The following PACRG variants were observed in gnomAD, a reference collection of about 807,000 sequenced individuals.
The protein encoded by PACRG is parkin coregulated, also known as parkin coregulated gene protein.
A neutral mutation model predicts 29.7 loss-of-function variants in PACRG; 29 were observed. The ratio of observed to expected loss-of-function variants is 0.98; its 90% CI spans 0.73 to 1.33. The LOEUF (loss-of-function observed/expected upper bound fraction) is 1.33. Among genes scored for constraint, PACRG ranks in the 40% most tolerant of loss-of-function variants. PACRG has a pLI of 0.00. For synonymous variants in PACRG, 116 were observed against 118.7 expected, an observed-to-expected ratio of 0.98 and a Z score of 0.15; for missense variants, 279 against 316.2, an observed-to-expected ratio of 0.88 and a Z score of 0.89.
At chr6:163,247,088 T>C (rs1437005700) in intron 4 of PACRG, among the ~76,000 whole-genome samples, 1 of 152,212 alleles carries the variant, frequency 6.6e-6, no homozygotes, top group Non-Finnish European at 1.5e-5. Flanking sequence ...GCTGAGTTCA[T>C]ACGCTCCAAG....
At chr6:163,155,365 A>C (rs1347923276) in intron 4 of PACRG, among the ~76,000 whole-genome samples, 1 of 152,178 alleles carries the variant, frequency 6.6e-6, no homozygotes, top group Non-Finnish European at 1.5e-5. Flanking sequence ...TTCCAGAGGG[A>C]GATAGCATTT....
chr6:162,815,453 T>C (rs1055394711), intron 2 of PACRG, among the ~76,000 whole-genome samples: 2 of 150,548 alleles, frequency 1.3e-5, no homozygotes, highest in Non-Finnish European at 2.9e-5. Context: ...ACATTTCTAA[T>C]TCTTGAGCAG....
chr6:163,189,256 A>C (rs1465384506), intron 4 of PACRG, among the ~76,000 whole-genome samples: 7 of 152,262 alleles, frequency 4.6e-5, no homozygotes, highest in African/African-American at 1.7e-4. Context: ...ATTTGCTGAC[A>C]AATGCATAAC....
intron 4 of PACRG, among the ~76,000 whole-genome samples, chr6:163,146,977 C>T (rs1261755075): frequency 6.6e-6 from 1 of 152,204 alleles, no homozygotes; most frequent in Non-Finnish European, 1.5e-5. Context: ...TTCTACATTG[C>T]TCATCCCTTT....
chr6:163,198,554 C>T (rs1362183555), intron 4 of PACRG, among the ~76,000 whole-genome samples: 5 of 152,142 alleles, frequency 3.3e-5, no homozygotes, highest in Non-Finnish European at 5.9e-5. Flanking sequence ...ACAGTGAGAA[C>T]GGGTGGATCG....
rs148991112 is a variant in PACRG at position 162,780,100 on chromosome 6, G to A, written c.157-34047G>A. Among the ~76,000 whole-genome samples, 17 of 152,328 alleles carry A rather than the reference G, an allele frequency of 1.1e-4. 1 individual carries two copies. In the East Asian group the frequency reaches 2.3e-3, roughly 21 times the overall value. ...AGAGGGTCCCCCTCAGTGCATGTGTGTGAGGAAACTAACAGAGGCAGGGGA... is the reference window on the plus strand; with the variant it reads ...AGAGGGTCCCCCTCAGTGCATGTGTATGAGGAAACTAACAGAGGCAGGGGA... On this transcript the variant is annotated intron_variant, in intron 1 of 4. Transcript: ENST00000366888.
intron 4 of PACRG, among the ~76,000 whole-genome samples, chr6:163,233,458 C>G (rs1028243312): frequency 6.6e-6 from 1 of 152,208 alleles, no homozygotes; most frequent in African/African-American, 2.4e-5. Context: ...ATGCCATTTT[C>G]TAAATTACCC....
intron 4 of PACRG, among the ~76,000 whole-genome samples, chr6:163,130,719 T>A (rs552878748): frequency 2.0e-5 from 3 of 152,172 alleles, no homozygotes; most frequent in Admixed American, 2.0e-4. Flanking sequence ...CAAGCCCTGC[T>A]CTTGCCAGGC....
intron 2 of PACRG, among the ~76,000 whole-genome samples, chr6:162,890,074 C>T (rs368554073): frequency 6.6e-6 from 1 of 152,216 alleles, no homozygotes; most frequent in African/African-American, 2.4e-5. Context: ...AGAACTCAGG[C>T]CAGTTAAACT....
intron 2 of PACRG, among the ~76,000 whole-genome samples, chr6:163,016,931 A>G (rs1201388553): frequency 1.3e-5 from 2 of 152,136 alleles, no homozygotes; most frequent in Non-Finnish European, 2.9e-5. Context: ...AATTAGTAAG[A>G]TAAGGTCAAA....
intron 1 of PACRG, among the ~76,000 whole-genome samples, chr6:162,795,411 C>T (rs1292389030): frequency 6.6e-6 from 1 of 152,152 alleles, no homozygotes; most frequent in African/African-American, 2.4e-5. Context: ...TGTCCCAACA[C>T]CAGTTAATGA....
intron 4 of PACRG, among the ~76,000 whole-genome samples, chr6:163,306,673 T>G (rs1220758326): frequency 6.6e-6 from 1 of 152,222 alleles, no homozygotes; most frequent in African/African-American, 2.4e-5. Context: ...ATATAAACAT[T>G]TGGTCTTTTC....
At chr6:162,958,876 TATATATATAGAGAGAGAGAGAG>T (rs1449536166) in intron 2 of PACRG, among the ~76,000 whole-genome samples, 197 of 29,972 alleles carry the variant, frequency 6.6e-3, no homozygotes, top group African/African-American at 0.017. Flanking sequence ...TATATATATA[TATATATATAGAGAGAGAGAGAG>T]AGAGAGAGAG....
chr6:162,825,093 T>C (rs1201551536), intron 2 of PACRG, among the ~76,000 whole-genome samples: 2 of 152,312 alleles, frequency 1.3e-5, no homozygotes, highest in Middle Eastern at 3.4e-3. Flanking sequence ...TATTAAGAAA[T>C]AATAAATTTT....
intron 1 of PACRG, among the ~76,000 whole-genome samples, chr6:162,802,006 T>A (rs904208614): frequency 6.6e-6 from 1 of 152,198 alleles, no homozygotes; most frequent in African/African-American, 2.4e-5. Flanking sequence ...CTGTAGGTAC[T>A]CTGTAAAGGC....
At chr6:163,157,454 G>T (rs1211146091) in intron 4 of PACRG, among the ~76,000 whole-genome samples, 1 of 152,148 alleles carries the variant, frequency 6.6e-6, no homozygotes, top group African/African-American at 2.4e-5. Flanking sequence ...CCTCTTCATT[G>T]CACCTTGCTG....
At chr6:163,233,822 A>T (rs901345279) in intron 4 of PACRG, among the ~76,000 whole-genome samples, 1 of 152,244 alleles carries the variant, frequency 6.6e-6, no homozygotes, top group African/African-American at 2.4e-5. Context: ...AAATTCTGGA[A>T]GGGGAAATGG....
At chr6:162,857,768 GTT>G (rs34674869) in intron 2 of PACRG, among the ~76,000 whole-genome samples, 2 of 146,650 alleles carry the variant, frequency 1.4e-5, no homozygotes, top group Non-Finnish European at 3.0e-5. Context: ...CATTTGCTCT[GTT>G]TTTTTTTTTT....
At chr6:163,065,324 C>A (rs1018064355) in intron 3 of PACRG, among the ~76,000 whole-genome samples, 2 of 152,170 alleles carry the variant, frequency 1.3e-5, no homozygotes, top group African/African-American at 4.8e-5. Flanking sequence ...AGCCCTCTTA[C>A]TTGTCTGGAT....
Sources: allele counts gnomAD v4.1 joint callset (sites outside exome capture counted in the v4.1 genomes callset), GRCh38; gene constraint gnomAD v4.1.1; transcripts MANE v1.5; gene names NCBI Gene and HGNC (gene_info 2026-07-23, HGNC 2026-07-21).